Variants in SPOCK3 observed in about 807,000 individuals in gnomAD.
The protein encoded by SPOCK3 is testican-3.
A neutral mutation model predicts 56.6 loss-of-function variants in SPOCK3; 30 were observed. The observed-to-expected ratio is 0.53, with a 90% CI of 0.40 to 0.72. The LOEUF (loss-of-function observed/expected upper bound fraction) is 0.72, where lower values mean the gene tolerates loss of function less well. Among genes scored for constraint, SPOCK3 ranks in the 30% least tolerant of loss-of-function variants. The probability of loss-of-function intolerance (pLI) is 0.00; values close to 1 mark genes in which losing one functional copy is unlikely to be tolerated. For synonymous variants in SPOCK3, 196 were observed against 183.3 expected (o/e 1.07, Z -0.56); for missense variants, 527 against 530.0 (o/e 0.99, Z 0.06).
At position 166,977,789 on chromosome 4, in the gene SPOCK3, C is replaced by T. The variant is rs143225407; in HGVS notation, c.350+22560G>A. Among the ~76,000 whole-genome samples, 35 of 152,120 alleles carry T rather than the reference C, an allele frequency of 2.3e-4. No homozygotes were observed. In the East Asian group the frequency reaches 5.2e-3, roughly 23 times the overall value. ...ACTAACTTTTTTTCTGGAAATCTTC[C>T]ATTAGTTGGGAAGGCTGCCAAAGCT... On this transcript the variant is annotated intron_variant, in intron 4 of 10. Coordinates refer to ENST00000357545, the MANE Select transcript of SPOCK3 (RefSeq NM_001040159.2).
chr4:166,884,756 G>C (rs2126993242), intron 6 of SPOCK3, among the ~76,000 whole-genome samples: 1 of 151,920 alleles, frequency 6.6e-6, no homozygotes, highest in South Asian at 2.1e-4. Flanking sequence ...ATATAGCTAA[G>C]AACCACACAG....
At chr4:167,062,985 A>G (rs909010210) in intron 2 of SPOCK3, among the ~76,000 whole-genome samples, 3 of 151,842 alleles carry the variant, frequency 2.0e-5, no homozygotes, top group Non-Finnish European at 2.9e-5. Context: ...AATAAGTGGA[A>G]CTATTAATTT....
intron 3 of SPOCK3, among the ~76,000 whole-genome samples, chr4:167,027,496 CTA>C (rs113924761): frequency 0.01 from 1,584 of 151,686 alleles, 27 homozygotes; most frequent in African/African-American, 0.036. Context: ...TATAAAATTT[CTA>C]TGTTGTTTTA....
intron 7 of SPOCK3, among the ~76,000 whole-genome samples, chr4:166,779,528 A>C (rs1579203792): frequency 6.6e-6 from 1 of 152,258 alleles, no homozygotes; most frequent in East Asian, 1.9e-4. Flanking sequence ...AAATTCACAA[A>C]GGAAAAGGTA....
At chr4:167,027,507 T>C (rs754073549) in intron 3 of SPOCK3, among the ~76,000 whole-genome samples, 3 of 152,014 alleles carry the variant, frequency 2.0e-5, no homozygotes, top group Non-Finnish European at 4.4e-5. Context: ...TATGTTGTTT[T>C]AGTTCTTTTG....
At chr4:167,131,081 GTTTTTAAAAATATTACTAAA>G (rs1762663264) in intron 2 of SPOCK3, among the ~76,000 whole-genome samples, 1 of 151,688 alleles carries the variant, frequency 6.6e-6, no homozygotes, top group East Asian at 1.9e-4. Context: ...AAGGTTCAAG[GTTTTTAAAAATATTACTAAA>G]TTAATTGTAC....
At chr4:166,768,939 A>G (rs1314590031) in intron 7 of SPOCK3, among the ~76,000 whole-genome samples, 2 of 152,030 alleles carry the variant, frequency 1.3e-5, no homozygotes, top group African/African-American at 2.4e-5. Flanking sequence ...CATTCATTTG[A>G]TCTTCCATCA....
intron 4 of SPOCK3, among the ~76,000 whole-genome samples, chr4:166,945,092 G>C (rs956937147): frequency 6.6e-6 from 1 of 152,054 alleles, no homozygotes. Context: ...GGAACAATAA[G>C]ATGTTATTGG....
chr4:166,894,970 T>C (rs549561066), intron 5 of SPOCK3, among the ~76,000 whole-genome samples: 1 of 152,300 alleles, frequency 6.6e-6, no homozygotes, highest in South Asian at 2.1e-4. Flanking sequence ...GACACATGGA[T>C]GATCCTAAAC....
At chr4:166,768,838 T>C (rs1243548160) in intron 7 of SPOCK3, among the ~76,000 whole-genome samples, 2 of 152,208 alleles carry the variant, frequency 1.3e-5, no homozygotes, top group Non-Finnish European at 1.5e-5. Context: ...CAGATGTAAA[T>C]TTGGTGTTTT....
intron 4 of SPOCK3, among the ~76,000 whole-genome samples, chr4:166,956,007 T>C (rs994739401): frequency 6.6e-6 from 1 of 152,118 alleles, no homozygotes; most frequent in Non-Finnish European, 1.5e-5. Context: ...ACATTGTCAC[T>C]AACTCCAACA....
At position 167,097,628 on chromosome 4, in the gene SPOCK3, G is replaced by A. The variant is rs144895397; in HGVS notation, c.190-35091C>T. Among the ~76,000 whole-genome samples the A allele has an allele frequency of 2.2e-3, 328 of 151,926 alleles. 4 individuals carry two copies. Among genetic ancestry groups the A allele is most frequent in the African/African-American group, 7.5e-3 (313 of 41,466 alleles). On this transcript the variant is annotated intron_variant, in intron 2 of 10. Transcript: ENST00000357545. ...TTACATTGATATATTGCATGATGCT[G>A]AGGCTTGGGGTACAATTGTTCCTGT...
At chr4:166,754,454 T>G (rs1178712345) in intron 8 of SPOCK3, 54 bp downstream of exon 8, 13 of 1,563,612 alleles carry the variant, frequency 8.3e-6, no homozygotes, top group Non-Finnish European at 1.0e-5. Context: ...AAAAAATAAG[T>G]AAAATTTGAC....
intron 2 of SPOCK3, among the ~76,000 whole-genome samples, chr4:167,129,097 AGAG>A (rs1167915402): frequency 6.6e-6 from 1 of 152,214 alleles, no homozygotes; most frequent in Non-Finnish European, 1.5e-5. Flanking sequence ...AGAATGACAC[AGAG>A]TAGTGGTTCT....
intron 2 of SPOCK3, among the ~76,000 whole-genome samples, chr4:167,224,642 G>A (rs1580684761): frequency 6.6e-6 from 1 of 151,982 alleles, no homozygotes; most frequent in Admixed American, 6.6e-5. Flanking sequence ...ACAGATAAAT[G>A]CAATAAAAAA....
chr4:167,123,236 A>G (rs187336175), intron 2 of SPOCK3, among the ~76,000 whole-genome samples: 15 of 152,242 alleles, frequency 9.9e-5, no homozygotes, highest in Non-Finnish European at 2.1e-4. Flanking sequence ...ATTATAAATG[A>G]TTTTTATATA....
intron 5 of SPOCK3, among the ~76,000 whole-genome samples, chr4:166,910,336 TA>T (rs1304038007): frequency 6.6e-6 from 1 of 152,112 alleles, no homozygotes; most frequent in African/African-American, 2.4e-5. Context: ...TTTATGTAAA[TA>T]AATATTAAAA....
intron 6 of SPOCK3, among the ~76,000 whole-genome samples, chr4:166,805,952 A>G (rs1663229706): frequency 6.6e-6 from 1 of 152,118 alleles, no homozygotes; most frequent in African/African-American, 2.4e-5. Flanking sequence ...ACTGCATTCA[A>G]GTGTAGTTGC....
intron 4 of SPOCK3, among the ~76,000 whole-genome samples, chr4:166,947,050 C>T (rs1196554458): frequency 6.6e-6 from 1 of 152,004 alleles, no homozygotes; most frequent in Non-Finnish European, 1.5e-5. Context: ...ACCTGATACC[C>T]TCCCATAACG....
Sources: allele counts gnomAD v4.1 joint callset (sites outside exome capture counted in the v4.1 genomes callset), GRCh38; gene constraint gnomAD v4.1.1; transcripts MANE v1.5; gene names NCBI Gene and HGNC (gene_info 2026-07-23, HGNC 2026-07-21).